Variants in FARS2 observed in about 807,000 individuals in gnomAD.
FARS2 encodes the protein phenylalanine--tRNA ligase, mitochondrial.
A neutral mutation model predicts 46.4 loss-of-function variants in FARS2; 40 were observed. The observed-to-expected ratio is 0.86, with a 90% CI of 0.67 to 1.12. The LOEUF (loss-of-function observed/expected upper bound fraction) is 1.12. Among genes scored for constraint, FARS2 ranks in the 50% most tolerant of loss-of-function variants. The pLI is 0.00. For synonymous variants in FARS2, 234 were observed against 214.9 expected (o/e 1.09, Z -0.78); for missense variants, 513 against 567.9 (o/e 0.90, Z 0.98).
rs139449204 is a variant in FARS2 at position 5,371,072 on chromosome 6, T to G, written c.612+1890T>G. ...GCCTAGAACTGGAACTCAGCTCTTC[T>G]GAATTCATTGCCTGTTTTTCTGTAT... On this transcript the variant is annotated intron_variant, in intron 2 of 6. Transcript: ENST00000274680. 142 of 396,282 alleles carry G rather than the reference T, an allele frequency of 3.6e-4. 1 individual carries two copies. The highest frequency in any genetic ancestry group is 3.0e-3 in the African/African-American group (138 of 46,334). 24.5% of individuals were successfully genotyped at this position (396,282 alleles called of 1,614,324 possible). A position where few individuals can be genotyped will look rare whatever the true frequency, so the allele number is the denominator to read the frequency against.
intron 1 of FARS2, among the ~76,000 whole-genome samples, chr6:5,358,670 C>T (rs1025157438): frequency 2.0e-5 from 3 of 152,170 alleles, no homozygotes; most frequent in Non-Finnish European, 4.4e-5. Flanking sequence ...TTGGGAATCA[C>T]TACAATTCCA....
At chr6:5,700,309 G>A (rs894628251) in intron 6 of FARS2, among the ~76,000 whole-genome samples, 1 of 152,168 alleles carries the variant, frequency 6.6e-6, no homozygotes, top group African/African-American at 2.4e-5. Flanking sequence ...TCAAAAATAT[G>A]ATGGGGAATT....
At chr6:5,429,860 G>A (rs1362496295) in intron 3 of FARS2, among the ~76,000 whole-genome samples, 1 of 151,638 alleles carries the variant, frequency 6.6e-6, no homozygotes, top group African/African-American at 2.4e-5. Context: ...GGGTTTTGGA[G>A]TTGGGCAGAC....
intron 5 of FARS2, among the ~76,000 whole-genome samples, chr6:5,597,537 G>A (rs990499802): frequency 3.3e-5 from 5 of 152,164 alleles, no homozygotes; most frequent in South Asian, 2.1e-4. Flanking sequence ...GCAGGCCACC[G>A]CCTGAGCTCA....
chr6:5,750,294 G>A (rs1215616630), intron 6 of FARS2, among the ~76,000 whole-genome samples: 3 of 152,098 alleles, frequency 2.0e-5, no homozygotes, highest in Non-Finnish European at 4.4e-5. Context: ...ATAGAGGAAG[G>A]GGAAGAACAT....
intron 1 of FARS2, among the ~76,000 whole-genome samples, chr6:5,333,119 T>A (rs1276081803): frequency 6.6e-6 from 1 of 151,456 alleles, no homozygotes; most frequent in Non-Finnish European, 1.5e-5. Context: ...AATACTTTTT[T>A]ACTGTTTTAA....
chr6:5,692,975 C>G (rs1757854430), intron 6 of FARS2, among the ~76,000 whole-genome samples: 2 of 152,170 alleles, frequency 1.3e-5, no homozygotes, highest in African/African-American at 2.4e-5. Context: ...CTTATAGATT[C>G]AGGTTAGTCA....
intron 4 of FARS2, among the ~76,000 whole-genome samples, chr6:5,442,816 T>C (rs1763917473): frequency 1.3e-5 from 2 of 152,176 alleles, no homozygotes; most frequent in Admixed American, 1.3e-4. Context: ...ATTTATGTCC[T>C]CCTATGTTTT....
intron 4 of FARS2, among the ~76,000 whole-genome samples, chr6:5,543,387 T>G (rs1195815668): frequency 1.3e-5 from 2 of 151,470 alleles, no homozygotes; most frequent in Non-Finnish European, 2.9e-5. Context: ...GTTTTTTTTT[T>G]TTTTTCTCAC....
At chr6:5,543,602 C>G (rs1406027170) in intron 4 of FARS2, among the ~76,000 whole-genome samples, 1 of 152,098 alleles carries the variant, frequency 6.6e-6, no homozygotes, top group Non-Finnish European at 1.5e-5. Flanking sequence ...ACCTCGTGAT[C>G]TGCCAGCCTT....
intron 3 of FARS2, among the ~76,000 whole-genome samples, chr6:5,410,350 C>T (rs901647647): frequency 4.0e-5 from 6 of 151,716 alleles, no homozygotes; most frequent in Admixed American, 6.6e-5. Context: ...TTAGTAGAGA[C>T]GGGGTTTCAC....
At chr6:5,692,785 T>C (rs1386776422) in intron 6 of FARS2, among the ~76,000 whole-genome samples, 1 of 152,206 alleles carries the variant, frequency 6.6e-6, no homozygotes, top group Non-Finnish European at 1.5e-5. Flanking sequence ...ATGATGTGTG[T>C]GCGTCACTAT....
Position 5,404,643 on chromosome 6 carries a change from T to G in FARS2, c.714T>G (p.Leu238=), listed in dbSNP as rs1162137418. The part of the protein sequence containing the change: ...QETHTMEAVK[L]VEFDLKQTLT... ...CACACACCATGGAGGCCGTGAAGCTTGTAGAGTTTGATCTTAAGCAAACGC... is the reference window on the plus strand; with the variant it reads ...CACACACCATGGAGGCCGTGAAGCTGGTAGAGTTTGATCTTAAGCAAACGC... Residue 238 remains leucine (L), a synonymous_variant, in exon 3 of 7, where the codon CTT becomes CTG. Coordinates refer to ENST00000274680, the MANE Select transcript of FARS2 (RefSeq NM_006567.5). The G allele has an allele frequency of 6.2e-7, 1 of 1,612,038 alleles. No homozygotes were observed.
At chr6:5,566,869 T>G (rs1390271091) in intron 5 of FARS2, among the ~76,000 whole-genome samples, 1 of 152,220 alleles carries the variant, frequency 6.6e-6, no homozygotes, top group African/African-American at 2.4e-5. Flanking sequence ...GGTTATGACT[T>G]AACCGTGAGT....
rs191519091 is a variant in FARS2 at position 5,730,782 on chromosome 6, C to G, written c.1218-40509C>G. On this transcript the variant is annotated intron_variant, in intron 6 of 6. Transcript: ENST00000274680. ...GTAGTAGTAATCTTACCTCCCCTAA[C>G]CACTGCAATGATGATTGCCAGTTCT... 1.3e-4 allele frequency among the ~76,000 whole-genome samples: 20 copies of G among 152,324 alleles called. 1 individual carries two copies. Among genetic ancestry groups the G allele is most frequent in the African/African-American group, 3.8e-4 (16 of 41,580 alleles).
chr6:5,724,757 G>A (rs1760143126), intron 6 of FARS2, among the ~76,000 whole-genome samples: 1 of 152,194 alleles, frequency 6.6e-6, no homozygotes, highest in African/African-American at 2.4e-5. Context: ...ACCACTCTTT[G>A]TAATCAGGGA....
intron 6 of FARS2, among the ~76,000 whole-genome samples, chr6:5,662,776 G>A (rs992048640): frequency 1.3e-5 from 2 of 152,146 alleles, no homozygotes; most frequent in African/African-American, 2.4e-5. Flanking sequence ...TCAGATCCCC[G>A]GGTTTGAACG....
chr6:5,701,385 G>A (rs1168995032), intron 6 of FARS2, among the ~76,000 whole-genome samples: 1 of 152,226 alleles, frequency 6.6e-6, no homozygotes, highest in East Asian at 1.9e-4. Context: ...TGGAGGCGTG[G>A]GGCGTGTGTC....
chr6:5,495,621 G>T (rs919213832), intron 4 of FARS2, among the ~76,000 whole-genome samples: 3 of 152,162 alleles, frequency 2.0e-5, no homozygotes, highest in Non-Finnish European at 4.4e-5. Context: ...TTAAGCCTTC[G>T]GGTTTTCTGT....
Sources: gnomAD v4.1 joint callset for allele counts (sites outside exome capture counted in the v4.1 genomes callset) on GRCh38, gnomAD v4.1.1 for gene constraint, MANE v1.5 for transcripts, NCBI Gene and HGNC (gene_info 2026-07-23, HGNC 2026-07-21) for gene names.